Variants in NKD1 observed in about 807,000 individuals in gnomAD.
The protein encoded by NKD1 is NKD inhibitor of Wnt signaling pathway 1.
Under a neutral mutation model 56.0 loss-of-function variants are expected in NKD1, and 21 were observed. The ratio of observed to expected loss-of-function variants is 0.38; its 90% CI spans 0.27 to 0.54. NKD1 has a LOEUF of 0.54. Ranked by LOEUF, NKD1 falls within the 20% of genes least tolerant of loss-of-function variation. NKD1 has a pLI of 0.82. For missense variants in NKD1, 578 were observed against 642.7 expected (o/e 0.90, Z 1.09); for synonymous variants, 263 against 265.7 (o/e 0.99, Z 0.10).
intron 3 of NKD1, chr16:50,558,018 C>T (rs1398282770): frequency 6.6e-6 from 1 of 152,268 alleles, no homozygotes. Flanking sequence ...GGAACACACA[C>T]CCTGCCTCAA....
At chr16:50,586,367 G>A (rs540364525) in intron 3 of NKD1, among the ~76,000 whole-genome samples, 4 of 123,468 alleles carry the variant, frequency 3.2e-5, no homozygotes, top group African/African-American at 9.1e-5. Context: ...TCACAGAGGC[G>A]TCTCCTTGTT....
In NKD1 at chr16:50,630,312, A is replaced by G; in HGVS notation, c.589A>G (p.Ser197Gly). ...VAPDGSQSKR[S>G]VLVNQADLQS... ...CCCCGATGGCAGCCAGAGCAAGAGG[A>G]GCGTCCTTGTCAATCAGGCTGGTGA... The change falls in exon 7 of 10, where the codon AGC (serine) becomes GGC (glycine). Residue 197 changes from serine (S) to glycine (G), a missense_variant. Transcript: ENST00000268459. The G allele has an allele frequency of 6.2e-7, 1 of 1,614,148 alleles. No individual in the cohort carries two copies. The highest frequency in any genetic ancestry group is 8.5e-7 in the Non-Finnish European group (1 of 1,180,024).
intron 4 of NKD1, among the ~76,000 whole-genome samples, chr16:50,613,437 A>T (rs1167580656): frequency 6.6e-6 from 1 of 152,110 alleles, no homozygotes; most frequent in Non-Finnish European, 1.5e-5. Context: ...GGACCCCCAG[A>T]TGGAGGGGCA....
At chr16:50,604,567 C>G (rs558710789) in intron 3 of NKD1, among the ~76,000 whole-genome samples, 3 of 152,358 alleles carry the variant, frequency 2.0e-5, no homozygotes, top group South Asian at 4.1e-4. Flanking sequence ...AGCCCCACCC[C>G]CTCCAGATAT....
Position 50,548,504 on chromosome 16 carries a change from G to A in NKD1, c.-50G>A. ...GAGAGCCAAGGGAGGCGCCAGGCCCGCGGGCCGGGCGCATGGCTTAGGGAC... is the reference window on the plus strand; with the variant it reads ...GAGAGCCAAGGGAGGCGCCAGGCCCACGGGCCGGGCGCATGGCTTAGGGAC... On this transcript the variant is annotated 5_prime_UTR_variant, in exon 1 of 10. Transcript: ENST00000268459. 1 of 1,319,288 alleles carries A rather than the reference G, an allele frequency of 7.6e-7. No homozygotes were observed. The allele number at this position is 1,319,288 out of a possible 1,614,324, so 81.7% of individuals were successfully genotyped here.
intron 3 of NKD1, among the ~76,000 whole-genome samples, chr16:50,559,628 C>T (rs1441220085): frequency 1.3e-5 from 2 of 151,808 alleles, no homozygotes; most frequent in South Asian, 2.1e-4. Flanking sequence ...TGTTGCATCC[C>T]GTCATGAGGC....
At chr16:50,574,723 G>T in intron 3 of NKD1, 1 of 985,402 alleles carries the variant, frequency 1.0e-6, no homozygotes, top group Non-Finnish European at 1.2e-6. Context: ...GAGGCGCTTG[G>T]GTTTTCTTTG....
At chr16:50,578,714 G>C (rs1961043480) in intron 3 of NKD1, among the ~76,000 whole-genome samples, 1 of 152,110 alleles carries the variant, frequency 6.6e-6, no homozygotes, top group Admixed American at 6.6e-5. Context: ...TTCTGCAGGT[G>C]ATCAGGAGGC....
chr16:50,601,924 C>T (rs543535324), intron 3 of NKD1, among the ~76,000 whole-genome samples: 1 of 152,288 alleles, frequency 6.6e-6, no homozygotes, highest in Admixed American at 6.5e-5. Flanking sequence ...GAGGAGGATG[C>T]CCCCAGCCTC....
intron 1 of NKD1, 34 bp downstream of exon 1, chr16:50,548,612 C>A: frequency 6.9e-7 from 1 of 1,447,784 alleles, no homozygotes; most frequent in Non-Finnish European, 9.0e-7. Context: ...CGCCCCGGGC[C>A]CCGCCGCCGT....
chr16:50,575,865 A>C (rs1205805648), intron 3 of NKD1, among the ~76,000 whole-genome samples: 1 of 152,162 alleles, frequency 6.6e-6, no homozygotes, highest in African/African-American at 2.4e-5. Flanking sequence ...ATCTGGGTAC[A>C]TCCCTCATTG....
At position 50,596,785 on chromosome 16, in the gene NKD1, TAAAG is replaced by T. The variant is rs1442559833; in HGVS notation, c.193-11507_193-11504del. Among the ~76,000 whole-genome samples the T allele has an allele frequency of 5.3e-5, 8 of 152,104 alleles. No individual in the cohort carries two copies. In the East Asian group the frequency reaches 1.5e-3, roughly 29 times the overall value. On this transcript the variant is annotated intron_variant, in intron 3 of 9. Transcript: ENST00000268459. ...TGGGAGAGGGGGCTGCAGTTTTAAA[TAAAG>T]AGATTTGGGAAGACCTCACCTAGGT... is the stretch of plus-strand genomic sequence containing the variant.
chr16:50,554,562 G>A (rs940583619), intron 3 of NKD1, among the ~76,000 whole-genome samples: 1 of 152,088 alleles, frequency 6.6e-6, no homozygotes, highest in Admixed American at 6.5e-5. Context: ...GAGTGGAAGG[G>A]TGGAACCAGG....
intron 3 of NKD1, among the ~76,000 whole-genome samples, chr16:50,559,454 A>C (rs1314479540): frequency 1.3e-5 from 2 of 152,116 alleles, no homozygotes; most frequent in African/African-American, 4.8e-5. Flanking sequence ...CGGGATGTGC[A>C]AAGGGCAAGA....
At chr16:50,597,210 G>A (rs1961491299) in intron 3 of NKD1, among the ~76,000 whole-genome samples, 1 of 152,078 alleles carries the variant, frequency 6.6e-6, no homozygotes, top group Non-Finnish European at 1.5e-5. Flanking sequence ...TTGAGGGAGA[G>A]CCAACAGGAT....
At chr16:50,620,680 C>T (rs557724877) in intron 4 of NKD1, among the ~76,000 whole-genome samples, 77 of 152,250 alleles carry the variant, frequency 5.1e-4, no homozygotes, top group African/African-American at 1.8e-3. Context: ...GACAAAATGG[C>T]GGAAGGGACT....
rs78903177 is a variant in NKD1 at position 50,646,756 on chromosome 16, A to G, written c.*12975A>G. On this transcript the variant is annotated 3_prime_UTR_variant, in exon 10 of 10. Coordinates refer to ENST00000268459, the MANE Select transcript of NKD1 (RefSeq NM_033119.5). ...CAAGGGGGCTCCAAGGCAGGATGGG[A>G]CCCCCTGGTTTGGGAAAATCAGAAA... is the stretch of plus-strand genomic sequence containing the variant. The G allele has an allele frequency of 0.016, 2,481 of 152,380 alleles. 28 individuals carry two copies. The highest frequency in any genetic ancestry group is 0.024 in the Non-Finnish European group (1,636 of 68,118). 9.4% of individuals were successfully genotyped at this position (152,380 alleles called of 1,614,324 possible).
At chr16:50,573,896 A>G (rs568790027) in intron 3 of NKD1, 2 of 985,414 alleles carry the variant, frequency 2.0e-6, no homozygotes, top group South Asian at 4.7e-5. Context: ...AGCTGGCACA[A>G]ACAACAGCTG....
chr16:50,578,002 C>A (rs1335883564), intron 3 of NKD1, among the ~76,000 whole-genome samples: 1 of 152,196 alleles, frequency 6.6e-6, no homozygotes, highest in African/African-American at 2.4e-5. Context: ...TTAGCTGGGG[C>A]AACTCTGGTT....
Sources: allele counts gnomAD v4.1 joint callset (sites outside exome capture counted in the v4.1 genomes callset), GRCh38; gene constraint gnomAD v4.1.1; transcripts MANE v1.5; gene names NCBI Gene and HGNC (gene_info 2026-07-23, HGNC 2026-07-21).